The following PARD3 variants were observed in gnomAD, a reference collection of about 807,000 sequenced individuals.
The protein encoded by PARD3 is par-3 family cell polarity regulator, also known as partitioning defective 3 homolog.
Under a neutral mutation model 155.4 loss-of-function variants are expected in PARD3, and 75 were observed. That is an observed-to-expected ratio of 0.48 (90% confidence interval 0.40 to 0.58). The LOEUF is 0.58. PARD3 is among the 20% of genes least tolerant of loss of function. PARD3 has a pLI of 0.00. For synonymous variants in PARD3, 576 were observed against 610.5 expected (o/e 0.94, Z 0.83); for missense variants, 1,642 against 1,721.7 (o/e 0.95, Z 0.82).
At chr10:34,558,501 GACTCTAATTATACT>G (rs2085193516) in intron 2 of PARD3, among the ~76,000 whole-genome samples, 2 of 152,144 alleles carry the variant, frequency 1.3e-5, no homozygotes, top group Non-Finnish European at 2.9e-5. Context: ...CAGCCCCCTT[GACTCTAATTATACT>G]AAATCTGCAA....
intron 15 of PARD3, 120 bp from the exon 16 acceptor site, chr10:34,341,936 G>A (rs1252177643): frequency 1.7e-6 from 1 of 583,472 alleles, no homozygotes. Context: ...TGCTCAACCT[G>A]GTAGAACAAA....
chr10:34,725,501 ACTGCTAAGTATTCGTTGCC>A (rs1280607192), intron 1 of PARD3, among the ~76,000 whole-genome samples: 3 of 152,106 alleles, frequency 2.0e-5, no homozygotes, highest in African/African-American at 7.2e-5. Flanking sequence ...GCATTCAGTC[ACTGCTAAGTATTCGTTGCC>A]ATTCTGATAA....
intron 1 of PARD3, among the ~76,000 whole-genome samples, chr10:34,721,387 A>G (rs1448949573): frequency 6.6e-6 from 1 of 152,246 alleles, no homozygotes; most frequent in Admixed American, 6.5e-5. Context: ...AAGAAAAACC[A>G]CAGAGACCAA....
chr10:34,726,889 C>T (rs1322807824), intron 1 of PARD3, among the ~76,000 whole-genome samples: 4 of 152,146 alleles, frequency 2.6e-5, no homozygotes, highest in Non-Finnish European at 5.9e-5. Context: ...CTCCTCTGAC[C>T]ACAGAGCCCT....
chr10:34,670,990 G>C (rs1156371090), intron 2 of PARD3, among the ~76,000 whole-genome samples: 1 of 152,174 alleles, frequency 6.6e-6, no homozygotes. Flanking sequence ...ATTGAGACCA[G>C]ACCAACTCCA....
At chr10:34,244,461 T>A (rs1309827110) in intron 22 of PARD3, among the ~76,000 whole-genome samples, 1 of 152,218 alleles carries the variant, frequency 6.6e-6, no homozygotes, top group African/African-American at 2.4e-5. Flanking sequence ...TGTTTCCTTT[T>A]GATACCTGTT....
chr10:34,289,071 C>T (rs1055466577), intron 20 of PARD3, among the ~76,000 whole-genome samples: 10 of 152,046 alleles, frequency 6.6e-5, no homozygotes, highest in Non-Finnish European at 1.3e-4. Context: ...TGCCTTCTTC[C>T]CACCTCAGCC....
intron 2 of PARD3, among the ~76,000 whole-genome samples, chr10:34,529,063 T>C (rs1040978447): frequency 6.6e-6 from 1 of 152,202 alleles, no homozygotes; most frequent in Non-Finnish European, 1.5e-5. Flanking sequence ...AGATGATGCA[T>C]TCAGTTACAG....
chr10:34,611,859 G>C lies in PARD3; in HGVS notation c.222+84459C>G, dbSNP rs562171704. 2.7e-4 allele frequency among the ~76,000 whole-genome samples: 38 copies of C among 142,902 alleles called. 1 individual carries two copies. The highest frequency in any genetic ancestry group is 9.6e-4 in the African/African-American group (36 of 37,532). 93.7% of individuals were successfully genotyped at this position (142,902 alleles called of 152,430 possible). ...GAGTCTTGCTCTGTCGCCCAGGCTG[G>C]AGTGCAGTGGCGCAATCTCGGTTCA... On this transcript the variant is annotated intron_variant, in intron 2 of 24. Transcript: ENST00000374788.
chr10:34,141,398 G>A (rs1948181344), intron 22 of PARD3, among the ~76,000 whole-genome samples: 1 of 152,140 alleles, frequency 6.6e-6, no homozygotes, highest in Non-Finnish European at 1.5e-5. Context: ...ACCAATTTCA[G>A]TGTAATAAAT....
intron 22 of PARD3, among the ~76,000 whole-genome samples, chr10:34,254,107 A>C (rs1017678677): frequency 4.6e-5 from 7 of 152,204 alleles, no homozygotes; most frequent in Non-Finnish European, 5.9e-5. Flanking sequence ...TAAGGCCGGG[A>C]GTGGTGGCTC....
chr10:34,225,502 C>T (rs1952548384), intron 22 of PARD3, among the ~76,000 whole-genome samples: 1 of 152,126 alleles, frequency 6.6e-6, no homozygotes, highest in South Asian at 2.1e-4. Context: ...CACGCCACCA[C>T]ACCCAGCTAA....
intron 1 of PARD3, among the ~76,000 whole-genome samples, chr10:34,792,327 C>T (rs955593920): frequency 2.6e-5 from 4 of 152,128 alleles, no homozygotes; most frequent in Admixed American, 2.0e-4. Flanking sequence ...TCAAGCGACG[C>T]GCCTGCCTCA....
intron 2 of PARD3, among the ~76,000 whole-genome samples, chr10:34,624,423 G>A (rs372107070): frequency 5.8e-4 from 88 of 152,280 alleles, no homozygotes; most frequent in African/African-American, 2.0e-3. Context: ...CAGACAAATC[G>A]ATTTCTGCTC....
chr10:34,191,256 A>G (rs1358653834), intron 22 of PARD3, among the ~76,000 whole-genome samples: 2 of 151,900 alleles, frequency 1.3e-5, no homozygotes, highest in African/African-American at 4.8e-5. Flanking sequence ...AGAGATTTAG[A>G]GCGGAGAATA....
chr10:34,671,866 C>G (rs1411618388), intron 2 of PARD3, among the ~76,000 whole-genome samples: 1 of 64,046 alleles, frequency 1.6e-5, no homozygotes, highest in Non-Finnish European at 2.8e-5. Context: ...AAAGATATAA[C>G]TCTAGATTTA....
intron 22 of PARD3, among the ~76,000 whole-genome samples, chr10:34,182,423 G>A (rs1950307766): frequency 6.6e-6 from 1 of 152,176 alleles, no homozygotes; most frequent in Non-Finnish European, 1.5e-5. Flanking sequence ...ATGTATGTGT[G>A]TGTACATAAA....
intron 3 of PARD3, among the ~76,000 whole-genome samples, chr10:34,494,892 C>G (rs1239151341): frequency 6.6e-6 from 1 of 152,142 alleles, no homozygotes; most frequent in Non-Finnish European, 1.5e-5. Flanking sequence ...GTAGGATGCA[C>G]TGGTAACAGG....
intron 20 of PARD3, chr10:34,312,531 G>A (rs1395795013): frequency 2.7e-6 from 2 of 741,770 alleles, no homozygotes; most frequent in African/African-American, 1.7e-5. Flanking sequence ...ATTGTGTTCT[G>A]AAAATGATCA....
Sources: allele counts gnomAD v4.1 joint callset (sites outside exome capture counted in the v4.1 genomes callset), GRCh38; gene constraint gnomAD v4.1.1; transcripts MANE v1.5; gene names NCBI Gene and HGNC (gene_info 2026-07-23, HGNC 2026-07-21).